The following TNIK variants were observed in gnomAD, a reference collection of about 807,000 sequenced individuals.
TNIK encodes TRAF2 and NCK interacting kinase.
A neutral mutation model predicts 191.3 loss-of-function variants in TNIK; 49 were observed. The observed-to-expected ratio is 0.26, with a 90% CI of 0.20 to 0.32. TNIK has a LOEUF of 0.32. Ranked by LOEUF, TNIK falls within the 10% of genes least tolerant of loss-of-function variation. TNIK has a pLI of 1.00. For synonymous variants in TNIK, 594 were observed against 600.9 expected (o/e 0.99, Z 0.17); for missense variants, 1,155 against 1,702.3 (o/e 0.68, Z 5.66).
intron 10 of TNIK, among the ~76,000 whole-genome samples, chr3:171,161,861 A>G (rs1041734977): frequency 2.0e-5 from 3 of 152,064 alleles, no homozygotes; most frequent in African/African-American, 7.2e-5. Flanking sequence ...GGGAGCTTGT[A>G]GTGAGCCAAG....
intron 1 of TNIK, among the ~76,000 whole-genome samples, chr3:171,398,788 C>T (rs1221210207): frequency 6.6e-6 from 1 of 152,202 alleles, no homozygotes; most frequent in East Asian, 1.9e-4. Flanking sequence ...GTCATGTAAC[C>T]ATCGCAAGTC....
At chr3:171,167,963 T>C (rs138307294) in intron 9 of TNIK, among the ~76,000 whole-genome samples, 218 of 152,314 alleles carry the variant, frequency 1.4e-3, no homozygotes, top group African/African-American at 5.0e-3. Flanking sequence ...CTCAAGGACT[T>C]AGACATTTAA....
intron 2 of TNIK, among the ~76,000 whole-genome samples, chr3:171,256,348 G>T (rs187085608): frequency 6.6e-6 from 1 of 152,158 alleles, no homozygotes; most frequent in Non-Finnish European, 1.5e-5. Context: ...AAAGAGAATC[G>T]ATAAAGAGGT....
At chr3:171,094,499 C>T (rs12486611) in intron 22 of TNIK, among the ~76,000 whole-genome samples, 14,847 of 152,134 alleles carry the variant, frequency 0.098, 804 homozygotes, top group Middle Eastern at 0.16. Flanking sequence ...AGCATCCCCT[C>T]TTGACCTATT....
At chr3:171,296,939 C>T (rs370117810) in intron 2 of TNIK, among the ~76,000 whole-genome samples, 18 of 152,304 alleles carry the variant, frequency 1.2e-4, no homozygotes, top group East Asian at 1.2e-3. Flanking sequence ...TCGCTGTTCT[C>T]ATAAGTTAAT....
At chr3:171,364,141 C>T (rs1348653231) in intron 2 of TNIK, among the ~76,000 whole-genome samples, 1 of 152,146 alleles carries the variant, frequency 6.6e-6, no homozygotes, top group African/African-American at 2.4e-5. Flanking sequence ...AAAGAGGATA[C>T]CCCAGACCCA....
chr3:171,273,053 G>A (rs553663379), intron 2 of TNIK, among the ~76,000 whole-genome samples: 6 of 152,328 alleles, frequency 3.9e-5, no homozygotes, highest in African/African-American at 1.4e-4. Context: ...TGGCTGCTAG[G>A]GCCAGTGTGG....
At chr3:171,099,706 T>A (rs1723187219) in intron 22 of TNIK, among the ~76,000 whole-genome samples, 2 of 152,078 alleles carry the variant, frequency 1.3e-5, no homozygotes, top group South Asian at 4.1e-4. Flanking sequence ...CAGGCGGGGC[T>A]GTGAGTAGGT....
At chr3:171,172,405 T>A (rs1173739799) in intron 9 of TNIK, among the ~76,000 whole-genome samples, 2 of 152,230 alleles carry the variant, frequency 1.3e-5, no homozygotes, top group Non-Finnish European at 2.9e-5. Context: ...TCTTTTCCTC[T>A]TAAATAATTA....
intron 2 of TNIK, among the ~76,000 whole-genome samples, chr3:171,256,086 A>G (rs1229900748): frequency 1.3e-5 from 2 of 152,166 alleles, no homozygotes; most frequent in African/African-American, 4.8e-5. Flanking sequence ...GAAGGAAAAC[A>G]GCTCCCAACA....
chr3:171,427,445 C>T (rs192987465), intron 1 of TNIK, among the ~76,000 whole-genome samples: 1 of 152,132 alleles, frequency 6.6e-6, no homozygotes, highest in African/African-American at 2.4e-5. Context: ...AATCTACTAG[C>T]TTATACGCTT....
chr3:171,085,140 C>T lies in TNIK; in HGVS notation c.2976G>A (p.Glu992=), dbSNP rs766943297. 3 of 1,610,562 alleles carry T rather than the reference C, an allele frequency of 1.9e-6. No individual in the cohort carries two copies. Among genetic ancestry groups the T allele is most frequent in the East Asian group, 2.2e-5 (1 of 44,830 alleles). The change falls in exon 25 of 33, where the codon GAG becomes GAA. Residue 992 remains glutamate (E), a synonymous_variant. Coordinates refer to ENST00000436636, the MANE Select transcript of TNIK (RefSeq NM_015028.4). ...YQTSPTDEDE[E]DEESSAAALF... ...TACCTGCGGCTGATGATTCCTCATCCTCTTCATCTTCATCAGTGGGAGACG... is the reference window on the plus strand; with the variant it reads ...TACCTGCGGCTGATGATTCCTCATCTTCTTCATCTTCATCAGTGGGAGACG...
intron 2 of TNIK, among the ~76,000 whole-genome samples, chr3:171,320,229 C>A (rs1419933174): frequency 6.6e-6 from 1 of 152,130 alleles, no homozygotes; most frequent in African/African-American, 2.4e-5. Context: ...GCTCAAAGAA[C>A]ATAGACATTT....
intron 32 of TNIK, among the ~76,000 whole-genome samples, chr3:171,065,766 G>A (rs966690777): frequency 1.3e-5 from 2 of 152,172 alleles, no homozygotes; most frequent in Non-Finnish European, 2.9e-5. Context: ...ATTTCTAAAC[G>A]TCAAATGTTT....
intron 4 of TNIK, among the ~76,000 whole-genome samples, chr3:171,198,174 A>T (rs1560249365): frequency 6.6e-6 from 1 of 152,144 alleles, no homozygotes; most frequent in Non-Finnish European, 1.5e-5. Context: ...GAGGCAGGAG[A>T]ATGGCTTGAA....
At chr3:171,191,757 G>A (rs1738093204) in intron 5 of TNIK, among the ~76,000 whole-genome samples, 1 of 152,174 alleles carries the variant, frequency 6.6e-6, no homozygotes, top group Non-Finnish European at 1.5e-5. Flanking sequence ...AAACCTGTTT[G>A]TGTTCCATTT....
chr3:171,121,067 T>C (rs970322133), intron 18 of TNIK, among the ~76,000 whole-genome samples: 2 of 152,214 alleles, frequency 1.3e-5, no homozygotes, highest in Non-Finnish European at 2.9e-5. Context: ...TGTGTACTTT[T>C]TACTGCATCC....
intron 2 of TNIK, among the ~76,000 whole-genome samples, chr3:171,318,734 A>G (rs1008128734): frequency 1.3e-5 from 2 of 152,208 alleles, no homozygotes; most frequent in Non-Finnish European, 2.9e-5. Context: ...ACCTCCTTTT[A>G]TAAACTCTCA....
At chr3:171,140,621 C>T in intron 12 of TNIK, 112 bp from the exon 13 acceptor site, 1 of 878,832 alleles carries the variant, frequency 1.1e-6, no homozygotes, top group Non-Finnish European at 1.9e-6. Context: ...ATGAGATATG[C>T]CTAAATGCTC....
Sources: gnomAD v4.1 joint callset for allele counts (sites outside exome capture counted in the v4.1 genomes callset) on GRCh38, gnomAD v4.1.1 for gene constraint, MANE v1.5 for transcripts, NCBI Gene and HGNC (gene_info 2026-07-23, HGNC 2026-07-21) for gene names.